The following CACNB2 variants were observed in gnomAD, a reference collection of about 807,000 sequenced individuals.
CACNB2 encodes voltage-dependent L-type calcium channel subunit beta-2.
CACNB2 carries 42 observed loss-of-function variants against 73.3 expected under a neutral mutation model. The ratio of observed to expected loss-of-function variants is 0.57; its 90% CI spans 0.45 to 0.74. The LOEUF (loss-of-function observed/expected upper bound fraction) is 0.74, where lower values mean the gene tolerates loss of function less well. CACNB2 is among the 30% of genes least tolerant of loss of function. CACNB2 has a pLI of 0.00. For missense variants in CACNB2, 940 were observed against 853.0 expected, an observed-to-expected ratio of 1.10 and a Z score of -1.27; for synonymous variants, 348 against 310.3, an observed-to-expected ratio of 1.12 and a Z score of -1.28.
chr10:18,213,712 G>C (rs2131361183), intron 2 of CACNB2, among the ~76,000 whole-genome samples: 1 of 152,342 alleles, frequency 6.6e-6, no homozygotes, highest in African/African-American at 2.4e-5. Context: ...GGAGTATGGA[G>C]TGAGAAGTTA....
chr10:18,473,940 GCT>G (rs1365080122), intron 3 of CACNB2, among the ~76,000 whole-genome samples: 4 of 152,134 alleles, frequency 2.6e-5, no homozygotes, highest in Admixed American at 1.3e-4. Flanking sequence ...CCGCCACGCT[GCT>G]CTCTGTGACC....
intron 1 of CACNB2, among the ~76,000 whole-genome samples, chr10:18,149,550 A>G (rs2031320577): frequency 6.6e-6 from 1 of 152,240 alleles, no homozygotes; most frequent in Non-Finnish European, 1.5e-5. Flanking sequence ...CACTGATAGC[A>G]AATTCGTCTA....
At chr10:18,183,314 C>T (rs4256888) in intron 2 of CACNB2, among the ~76,000 whole-genome samples, 4,404 of 151,618 alleles carry the variant, frequency 0.029, 167 homozygotes, top group African/African-American at 0.084. Flanking sequence ...CTGTCCTCTC[C>T]TTCTGCCTGT....
intron 7 of CACNB2, among the ~76,000 whole-genome samples, chr10:18,517,702 G>C (rs774661072): frequency 2.0e-4 from 31 of 152,128 alleles, no homozygotes; most frequent in Non-Finnish European, 3.8e-4. Context: ...TAATCACTAA[G>C]CTGTGAGCAG....
chr10:18,195,649 G>C (rs933464550), intron 2 of CACNB2, among the ~76,000 whole-genome samples: 5 of 152,246 alleles, frequency 3.3e-5, no homozygotes, highest in African/African-American at 1.2e-4. Flanking sequence ...TCTTTAGACT[G>C]TTCAGACTGT....
intron 2 of CACNB2, among the ~76,000 whole-genome samples, chr10:18,320,645 C>A (rs187462173): frequency 6.6e-6 from 1 of 152,294 alleles, no homozygotes; most frequent in East Asian, 1.9e-4. Context: ...ATTGTCATCT[C>A]ATCTGTAGAA....
intron 2 of CACNB2, among the ~76,000 whole-genome samples, chr10:18,250,604 A>G (rs1208369427): frequency 6.6e-6 from 1 of 152,070 alleles, no homozygotes; most frequent in African/African-American, 2.4e-5. Flanking sequence ...CTATGGACGA[A>G]TGTCTTTTAT....
chr10:18,272,861 C>T lies in CACNB2; in HGVS notation c.213+121886C>T, dbSNP rs1255968461. On this transcript the variant is annotated intron_variant, in intron 2 of 13. Coordinates refer to ENST00000324631, the MANE Select transcript of CACNB2 (RefSeq NM_201596.3). ...TCTTTTTTAGCAGCATTAGAATGGA[C>T]TAATACAGCTTCTTAGTGTGTACTT... Among the ~76,000 whole-genome samples, 5 of 152,258 alleles carry T rather than the reference C, an allele frequency of 3.3e-5. No individual in the cohort carries two copies. In the South Asian group the frequency reaches 8.3e-4, roughly 25 times the overall value.
In CACNB2 at chr10:18,223,168, A is replaced by G. The variant is rs181556164; in HGVS notation, c.213+72193A>G. Among the ~76,000 whole-genome samples, 601 of 152,334 alleles carry G rather than the reference A, an allele frequency of 3.9e-3. 5 individuals carry two copies. Among genetic ancestry groups the G allele is most frequent in the Non-Finnish European group, 6.3e-3 (426 of 68,036 alleles). Reference sequence around the variant, plus strand: ...TTGAGCATTGCTAATTTTGCTTCAGAAAGATTTGTTTGATTTTGATGCCTT... The same window carrying G: ...TTGAGCATTGCTAATTTTGCTTCAGGAAGATTTGTTTGATTTTGATGCCTT... On this transcript the variant is annotated intron_variant, in intron 2 of 13. Coordinates refer to ENST00000324631, the MANE Select transcript of CACNB2 (RefSeq NM_201596.3).
intron 2 of CACNB2, among the ~76,000 whole-genome samples, chr10:18,343,873 T>C (rs1187845384): frequency 6.6e-6 from 1 of 152,164 alleles, no homozygotes; most frequent in Non-Finnish European, 1.5e-5. Flanking sequence ...TCTGCATATG[T>C]GAACATTTTC....
chr10:18,514,210 C>G (rs367708095), intron 6 of CACNB2, 26 bp from the exon 7 acceptor site: 1 of 1,612,902 alleles, frequency 6.2e-7, no homozygotes, highest in Non-Finnish European at 8.5e-7. Flanking sequence ...TCCTGTCCAC[C>G]TGATTTTTGA....
chr10:18,242,639 G>GA (rs754219283), intron 2 of CACNB2, among the ~76,000 whole-genome samples: 7 of 152,100 alleles, frequency 4.6e-5, no homozygotes, highest in Non-Finnish European at 1.0e-4. Context: ...ACTGATTTCA[G>GA]AAGTGTCTGT....
At chr10:18,175,751 C>T (rs1038309104) in intron 2 of CACNB2, among the ~76,000 whole-genome samples, 2 of 152,216 alleles carry the variant, frequency 1.3e-5, no homozygotes, top group African/African-American at 4.8e-5. Context: ...GTGCCTGCCA[C>T]CATGCCCTGC....
chr10:18,292,649 C>A (rs955013639), intron 2 of CACNB2, among the ~76,000 whole-genome samples: 1 of 152,058 alleles, frequency 6.6e-6, no homozygotes, highest in Non-Finnish European at 1.5e-5. Context: ...GAGTGAGACT[C>A]CATCTCAAAA....
intron 2 of CACNB2, among the ~76,000 whole-genome samples, chr10:18,297,801 G>T (rs774799368): frequency 1.3e-5 from 2 of 152,214 alleles, no homozygotes; most frequent in Middle Eastern, 3.4e-3. Context: ...TATGTGGAGG[G>T]AGGGATTAAA....
At chr10:18,323,706 A>C (rs1167850529) in intron 2 of CACNB2, among the ~76,000 whole-genome samples, 5 of 152,214 alleles carry the variant, frequency 3.3e-5, no homozygotes, top group Non-Finnish European at 5.9e-5. Context: ...AAATTCACTT[A>C]CTTGGAATGT....
intron 3 of CACNB2, among the ~76,000 whole-genome samples, chr10:18,494,940 T>C (rs2049701231): frequency 6.6e-6 from 1 of 152,108 alleles, no homozygotes; most frequent in South Asian, 2.1e-4. Flanking sequence ...CTTTAAAATA[T>C]TTTTAAGATT....
At chr10:18,323,639 C>T (rs2040476887) in intron 2 of CACNB2, among the ~76,000 whole-genome samples, 1 of 152,074 alleles carries the variant, frequency 6.6e-6, no homozygotes, top group Admixed American at 6.5e-5. Flanking sequence ...TTATTCTCCC[C>T]AGAATGGATC....
chr10:18,417,778 G>T (rs2045078289), intron 3 of CACNB2, among the ~76,000 whole-genome samples: 1 of 151,880 alleles, frequency 6.6e-6, no homozygotes, highest in African/African-American at 2.4e-5. Flanking sequence ...GTAGAGAAAT[G>T]GAAAAATAAT....
Sources: gnomAD v4.1 joint callset for allele counts (sites outside exome capture counted in the v4.1 genomes callset) on GRCh38, gnomAD v4.1.1 for gene constraint, MANE v1.5 for transcripts, NCBI Gene and HGNC (gene_info 2026-07-23, HGNC 2026-07-21) for gene names.